The following RPL22L1 variants were observed in gnomAD, a reference collection of about 807,000 sequenced individuals.
RPL22L1 encodes ribosomal protein eL22-like.
Under a neutral mutation model 17.3 loss-of-function variants are expected in RPL22L1, and 19 were observed. The ratio of observed to expected loss-of-function variants is 1.10; its 90% CI spans 0.77 to 1.61. RPL22L1 has a LOEUF of 1.61. Among genes scored for constraint, RPL22L1 ranks in the 40% most tolerant of loss-of-function variants. The pLI is 0.00. For missense variants in RPL22L1, 139 were observed against 144.4 expected (o/e 0.96, Z 0.19); for synonymous variants, 48 against 48.5 (o/e 0.99, Z 0.05).
At position 170,866,352 on chromosome 3, in the gene RPL22L1, A is replaced by C. The variant is rs1201472591; in HGVS notation, c.*28T>G. On this transcript the variant is annotated 3_prime_UTR_variant, in exon 4 of 4. Coordinates refer to ENST00000295830, the MANE Select transcript of RPL22L1 (RefSeq NM_001099645.2). ...GTATACTTCATTTATTTTATTAATAAGCAAAGCCCTGTAAGGGGAGCCTTT... is the reference window on the plus strand; with the variant it reads ...GTATACTTCATTTATTTTATTAATACGCAAAGCCCTGTAAGGGGAGCCTTT... The C allele has an allele frequency of 1.3e-6, 2 of 1,538,986 alleles. No homozygotes were observed. Among genetic ancestry groups the C allele is most frequent in the Admixed American group, 4.1e-5 (2 of 48,510 alleles).
At chr3:170,867,512 T>C (rs1218566794) in intron 3 of RPL22L1, among the ~76,000 whole-genome samples, 2 of 152,230 alleles carry the variant, frequency 1.3e-5, no homozygotes, top group Non-Finnish European at 2.9e-5. Context: ...TAGAAGTTTC[T>C]TGGTGGTGGG....
In RPL22L1 at chr3:170,868,396, T is replaced by A. The variant is rs773942424; in HGVS notation, c.10-6A>T. ...TTGGGCTTCCTGTCTTTCTGCTACA[T>A]AAATGAGAAATAATTATGTAGCTAT... On this transcript the variant is annotated splice_region_variant and splice_polypyrimidine_tract_variant and intron_variant, in intron 1 of 3. Coordinates refer to ENST00000295830, the MANE Select transcript of RPL22L1 (RefSeq NM_001099645.2). 7.1e-6 allele frequency: 11 copies of A among 1,555,766 alleles called. No homozygotes were observed. The highest frequency in any genetic ancestry group is 3.4e-5 in the Admixed American group (2 of 58,420).
At chr3:170,867,690 T>C (rs774839382) in intron 3 of RPL22L1, among the ~76,000 whole-genome samples, 2 of 152,212 alleles carry the variant, frequency 1.3e-5, no homozygotes. Context: ...AATTCTCCTA[T>C]GTACACATCA....
At chr3:170,868,411 T>A in intron 1 of RPL22L1, 21 bp from the exon 2 acceptor site, 1 of 1,398,540 alleles carries the variant, frequency 7.2e-7, no homozygotes. Flanking sequence ...GAGAAATAAT[T>A]ATGTAGCTAT....
chr3:170,869,526 C>T (rs192235880), intron 1 of RPL22L1, among the ~76,000 whole-genome samples: 2 of 152,340 alleles, frequency 1.3e-5, no homozygotes, highest in African/African-American at 4.8e-5. Flanking sequence ...GTAAATTGCG[C>T]ATGTATATCT....
At chr3:170,868,666 C>T (rs1711864561) in intron 1 of RPL22L1, among the ~76,000 whole-genome samples, 1 of 152,040 alleles carries the variant, frequency 6.6e-6, no homozygotes, top group South Asian at 2.1e-4. Context: ...TGCTTTTCTG[C>T]CACCCCACTG....
In RPL22L1 at chr3:170,868,152, A is replaced by G; in HGVS notation, c.103-18T>C. 1 of 1,602,330 alleles carries G rather than the reference A, an allele frequency of 6.2e-7. No homozygotes were observed. Among genetic ancestry groups the G allele is most frequent in the Non-Finnish European group, 8.5e-7 (1 of 1,173,222 alleles). On this transcript the variant is annotated intron_variant, in intron 2 of 3. Coordinates refer to ENST00000295830, the MANE Select transcript of RPL22L1 (RefSeq NM_001099645.2). Reference sequence around the variant, plus strand: ...AATTGCTCCTATTTTAAAACAGAAAAAATGCAAAACTAGGGAAGAGAACCC... The same window carrying G: ...AATTGCTCCTATTTTAAAACAGAAAGAATGCAAAACTAGGGAAGAGAACCC...
At position 170,866,148 on chromosome 3, in the gene RPL22L1, T is replaced by A. The variant is rs1281902232; in HGVS notation, c.*232A>T. 6 of 332,628 alleles carry A rather than the reference T, an allele frequency of 1.8e-5. No individual in the cohort carries two copies. Among genetic ancestry groups the A allele is most frequent in the Non-Finnish European group, 3.2e-5 (6 of 184,628 alleles). The allele number at this position is 332,628 out of a possible 1,614,324, so 20.6% of individuals were successfully genotyped here. On this transcript the variant is annotated 3_prime_UTR_variant, in exon 4 of 4. Transcript: ENST00000295830. Reference sequence around the variant, plus strand: ...TACTTTTACCTGAGTACATAAAAGATTTTGGAAATCGTGGGAAAAAATTAT... The same window carrying A: ...TACTTTTACCTGAGTACATAAAAGAATTTGGAAATCGTGGGAAAAAATTAT...
chr3:170,868,423 T>TA (rs781342455), intron 1 of RPL22L1, 33 bp from the exon 2 acceptor site: 29 of 1,269,248 alleles, frequency 2.3e-5, no homozygotes, highest in Admixed American at 1.5e-4. Context: ...TGTAGCTATA[T>TA]AAAACAACTT....
At chr3:170,867,134 T>C (rs1711801464) in intron 3 of RPL22L1, among the ~76,000 whole-genome samples, 1 of 152,184 alleles carries the variant, frequency 6.6e-6, no homozygotes, top group South Asian at 2.1e-4. Context: ...CAAGCCATCA[T>C]TGTCTCTCAC....
At chr3:170,868,707 C>T (rs1181636188) in intron 1 of RPL22L1, among the ~76,000 whole-genome samples, 4 of 151,096 alleles carry the variant, frequency 2.6e-5, no homozygotes, top group African/African-American at 9.7e-5. Context: ...TACTGCCTAG[C>T]CCAAGCTCAG....
intron 3 of RPL22L1, 141 bp from the exon 4 acceptor site, chr3:170,866,665 G>T: frequency 4.9e-6 from 3 of 612,920 alleles, no homozygotes; most frequent in Non-Finnish European, 8.4e-6. Flanking sequence ...CCATTCACAG[G>T]ATGTATTGTG....
chr3:170,868,434 A>T, intron 1 of RPL22L1, 44 bp from the exon 2 acceptor site: 1 of 1,183,072 alleles, frequency 8.5e-7, no homozygotes, highest in South Asian at 1.3e-5. Context: ...AAAACAACTT[A>T]TTCAATTTAT....
Position 170,868,115 on chromosome 3 carries a change from T to A in RPL22L1, c.122A>T (p.Lys41Met), listed in dbSNP as rs776464503. Residue 41 changes from lysine to methionine, a missense_variant, in exon 3 of 4, where the codon AAG (lysine) becomes ATG (methionine). Lys to Met is a moderately conservative substitution (Grantham distance 95). Transcript: ENST00000295830. ...TCCAGTTTTGCCATTGACTTTAACC[T>A]TCTCCCGTAGAAATTGCTCCTATTT... ...SGNFEQFLRE[K>M]VKVNGKTGNL... The A allele has an allele frequency of 1.2e-6, 2 of 1,606,070 alleles. No homozygotes were observed. The highest frequency in any genetic ancestry group is 2.7e-5 in the African/African-American group (2 of 74,840).
Position 170,865,943 on chromosome 3 carries a change from T to A in RPL22L1, c.*437A>T, listed in dbSNP as rs1054552545. 1 of 152,654 alleles carries A rather than the reference T, an allele frequency of 6.6e-6. No individual in the cohort carries two copies. The highest frequency in any genetic ancestry group is 1.5e-5 in the Non-Finnish European group (1 of 68,580). 9.5% of individuals were successfully genotyped at this position (152,654 alleles called of 1,614,324 possible). A position where few individuals can be genotyped will look rare whatever the true frequency, so the allele number is the denominator to read the frequency against. The stretch of plus-strand genomic sequence containing the variant: ...GCCGAGGTGGGTAGATCACTTGAGG[T>A]CAGGAGTTTGAAACCAGCCTGGCCA... On this transcript the variant is annotated 3_prime_UTR_variant, in exon 4 of 4. Transcript: ENST00000295830.
chr3:170,867,635 CTT>C (rs1711818985), intron 3 of RPL22L1, among the ~76,000 whole-genome samples: 2 of 152,150 alleles, frequency 1.3e-5, no homozygotes, highest in Non-Finnish European at 2.9e-5. Flanking sequence ...GATGTTAAGA[CTT>C]TGACTTTAAC....
chr3:170,868,803 TAAAA>T (rs550401844), intron 1 of RPL22L1, among the ~76,000 whole-genome samples: 2 of 117,796 alleles, frequency 1.7e-5, no homozygotes, highest in South Asian at 2.7e-4. Context: ...GGGACTTTGG[TAAAA>T]AAAAAAAAAA....
chr3:170,866,201 T>C lies in RPL22L1; in HGVS notation c.*179A>G. ...CAGCTATAAGCTATTTAAATACTGT[T>C]GATAGTTATCAGAGGGAAATCAAAA... On this transcript the variant is annotated 3_prime_UTR_variant, in exon 4 of 4. Coordinates refer to ENST00000295830, the MANE Select transcript of RPL22L1 (RefSeq NM_001099645.2). The C allele has an allele frequency of 2.0e-6, 1 of 509,014 alleles. No homozygotes were observed. Among genetic ancestry groups the C allele is most frequent in the Non-Finnish European group, 3.4e-6 (1 of 292,906 alleles). The allele number at this position is 509,014 out of a possible 1,614,324, so 31.5% of individuals were successfully genotyped here. A position where few individuals can be genotyped will look rare whatever the true frequency, so the allele number is the denominator to read the frequency against.
chr3:170,869,131 T>C (rs13078656), intron 1 of RPL22L1, among the ~76,000 whole-genome samples: 44,510 of 148,430 alleles, frequency 0.3, 6,756 homozygotes, highest in East Asian at 0.4. Flanking sequence ...AAAAAAAACC[T>C]AAAAACCAAC....
Sources: gnomAD v4.1 joint callset for allele counts (sites outside exome capture counted in the v4.1 genomes callset) on GRCh38, gnomAD v4.1.1 for gene constraint, MANE v1.5 for transcripts, NCBI Gene and HGNC (gene_info 2026-07-23, HGNC 2026-07-21) for gene names.